Variants in CACNA1F observed in about 807,000 individuals in gnomAD.
CACNA1F encodes calcium voltage-gated channel subunit alpha1 F.
CACNA1F carries 59 observed loss-of-function variants against 143.8 expected under a neutral mutation model. The observed-to-expected ratio is 0.41, with a 90% CI of 0.33 to 0.51. The LOEUF is 0.51. CACNA1F is among the 20% of genes least tolerant of loss of function. The probability of loss-of-function intolerance (pLI) is 0.22; values close to 1 mark genes in which losing one functional copy is unlikely to be tolerated. For synonymous variants in CACNA1F, 643 were observed against 649.1 expected (o/e 0.99, Z 0.14); for missense variants, 1,411 against 1,647.5 (o/e 0.86, Z 2.48).
rs1557110276 is a variant in CACNA1F, at chrX:49,227,200, T to G, written c.1119-73A>C. ...CTTGCTTTCATCACTCCAGCCACAC[T>G]AGCCTCCTAGCTACTCTTTGAATAT... On this transcript the variant is annotated intron_variant, in intron 8 of 47. Coordinates refer to ENST00000323022, the MANE Select transcript of CACNA1F (RefSeq NM_001256789.3). The G allele has an allele frequency of 1.7e-5, 14 of 805,496 alleles. No homozygotes were observed. In the Admixed American group the frequency reaches 3.7e-4, roughly 21 times the overall value. The allele number at this position is 805,496 out of a possible 1,213,427, so 66.4% of individuals were successfully genotyped here. A position where few individuals can be genotyped will look rare whatever the true frequency, so the allele number is the denominator to read the frequency against.
At position 49,205,309 on chromosome X, in the gene CACNA1F, G is replaced by T; in HGVS notation, c.5729C>A (p.Ala1910Asp). The T allele has an allele frequency of 1.7e-6, 2 of 1,209,681 alleles. No homozygotes were observed. Among genetic ancestry groups the T allele is most frequent in the Non-Finnish European group, 2.2e-6 (2 of 894,591 alleles). Residue 1910 changes from alanine (A) to aspartate (D), a missense_variant, in exon 48 of 48, where the codon GCC becomes GAC. Physicochemically the swap from Ala to Asp is moderately radical, Grantham distance 126. Around this residue, in one of 3 missense-constraint regions of CACNA1F, gnomAD observed 349 missense variants for 350.2 expected, o/e 1.00. Coordinates refer to ENST00000323022, the MANE Select transcript of CACNA1F (RefSeq NM_001256789.3). Reference sequence around the variant, plus strand: ...ACACGCATCTGCAATCTCCTGCTTGGCCAGGGCCACGAAACGTGGGTCTCG... The same window carrying T: ...ACACGCATCTGCAATCTCCTGCTTGTCCAGGGCCACGAAACGTGGGTCTCG... Reference protein sequence around the residue: ...FARDPRFVALAKQEIADACRL... With the variant: ...FARDPRFVALDKQEIADACRL...
In CACNA1F at chrX:49,209,984, C is replaced by G. The variant is rs1362079415; in HGVS notation, c.4647G>C (p.Arg1549=). Residue 1549 remains arginine, a synonymous_variant, in exon 40 of 48, where the codon CGG becomes CGC. Transcript: ENST00000323022. The part of the protein sequence containing the change: ...LRIVIKKIWK[R]MKQKLLDEVI... The stretch of plus-strand genomic sequence containing the variant: ...CCTCATCTAGCAGCTTCTGTTTCAT[C>G]CGCTTCCAGATCTTTTTGATGACAA... 4 of 1,208,754 alleles carry G rather than the reference C, an allele frequency of 3.3e-6. No homozygotes were observed. The highest frequency in any genetic ancestry group is 3.4e-6 in the Non-Finnish European group (3 of 893,969).
At chrX:49,214,057 C>A (rs967000258) in intron 30 of CACNA1F, 102 bp downstream of exon 30, 17 of 661,578 alleles carry the variant, frequency 2.6e-5, no homozygotes, top group Admixed American at 7.0e-5. Flanking sequence ...TAGACTCACA[C>A]TCCCTGGCTG....
rs122456135 is a variant in CACNA1F at position 49,219,344 on chromosome X, G to C, written c.2650C>G (p.Arg884Gly). 2 of 1,209,040 alleles carry C rather than the reference G, an allele frequency of 1.7e-6. No homozygotes were observed. The highest frequency in any genetic ancestry group is 2.2e-6 in the Non-Finnish European group (2 of 894,368). The change falls in exon 21 of 48, where the codon CGA (arginine) becomes GGA (glycine). Residue 884 changes from arginine to glycine, a missense_variant. By Grantham distance (125) the Arg-to-Gly change is moderately radical (BLOSUM62 -2). Coordinates refer to ENST00000323022, the MANE Select transcript of CACNA1F (RefSeq NM_001256789.3). The stretch of plus-strand genomic sequence containing the variant: ...ACATGGTTGCGGAAGGAGTGGGCTC[G>C]GATGGGGTCCTCAGCGGCCAGGGAC... ...SVSLAAEDPIRAHSFRNHILG... is the reference protein window; with the variant it reads ...SVSLAAEDPIGAHSFRNHILG...
At position 49,212,319 on chromosome X, in the gene CACNA1F, G is replaced by A. The variant is rs782090673; in HGVS notation, c.3943-11C>T. On this transcript the variant is annotated splice_polypyrimidine_tract_variant and intron_variant, in intron 33 of 47. Coordinates refer to ENST00000323022, the MANE Select transcript of CACNA1F (RefSeq NM_001256789.3). Reference sequence around the variant, plus strand: ...CACATAGGGCAAGGCCTATAGGGATGGGGGAGGGGGGCAGAGAATAGATGC... The same window carrying A: ...CACATAGGGCAAGGCCTATAGGGATAGGGGAGGGGGGCAGAGAATAGATGC... 1.0e-5 allele frequency: 12 copies of A among 1,163,592 alleles called. No homozygotes were observed. The highest frequency in any genetic ancestry group is 1.3e-5 in the Non-Finnish European group (11 of 853,386).
rs782804171 is a variant in CACNA1F, at chrX:49,226,545, G to A, written c.1370-43C>T. The stretch of plus-strand genomic sequence containing the variant: ...ATAGTGGTCAGGACCTGAAGACCCC[G>A]AGGTCCAATCTTTGGCTTTCACCTC... On this transcript the variant is annotated intron_variant, in intron 10 of 47. Coordinates refer to ENST00000323022, the MANE Select transcript of CACNA1F (RefSeq NM_001256789.3). 8 of 1,158,563 alleles carry A rather than the reference G, an allele frequency of 6.9e-6. No homozygotes were observed. The South Asian group carries it at 9.5e-5, about 14-fold the overall frequency.
Position 49,217,955 on chromosome X carries a change from C to T in CACNA1F, c.2979G>A (p.Met993Ile). 2 of 1,211,183 alleles carry T rather than the reference C, an allele frequency of 1.7e-6. No individual in the cohort carries two copies. Among genetic ancestry groups the T allele is most frequent in the Non-Finnish European group, 2.2e-6 (2 of 895,162 alleles). ...FVAIRTIGNIMIVTTLLQFMF... is the reference protein window; with the variant it reads ...FVAIRTIGNIIIVTTLLQFMF... Reference sequence around the variant, plus strand: ...TAAATTGCAGAAGTGTGGTGACAATCATGATGTTTCCGATGGTCCGGATGG... The same window carrying T: ...TAAATTGCAGAAGTGTGGTGACAATTATGATGTTTCCGATGGTCCGGATGG... Residue 993 changes from methionine to isoleucine, a missense_variant, in exon 25 of 48, where the codon ATG becomes ATA. This residue lies in a region of CACNA1F where 950 missense variants were observed against 1,128.1 expected (regional missense o/e 0.84). Coordinates refer to ENST00000323022, the MANE Select transcript of CACNA1F (RefSeq NM_001256789.3).
At chrX:49,225,060 A>G in intron 13 of CACNA1F, 74 bp from the exon 14 acceptor site, 1 of 683,625 alleles carries the variant, frequency 1.5e-6, no homozygotes, top group Non-Finnish European at 2.3e-6. Flanking sequence ...ACTAGGGACC[A>G]TGGGGTGACC....
chrX:49,226,837 G>T (rs1602651435), intron 9 of CACNA1F, 133 bp downstream of exon 9: 2 of 1,026,654 alleles, frequency 1.9e-6, no homozygotes, highest in East Asian at 6.4e-5. Context: ...ATAACTTGGG[G>T]GCTGGGGCTA....
intron 6 of CACNA1F, 29 bp from the exon 7 acceptor site, chrX:49,228,476 G>A (rs909382005): frequency 3.5e-6 from 4 of 1,135,313 alleles, no homozygotes; most frequent in African/African-American, 1.8e-5. Context: ...TTGGGGCTTC[G>A]AAGCAGGCCC....
intron 7 of CACNA1F, 46 bp from the exon 8 acceptor site, chrX:49,228,185 C>T (rs782791526): frequency 8.6e-7 from 1 of 1,168,152 alleles, no homozygotes; most frequent in Non-Finnish European, 1.2e-6. Flanking sequence ...GCAGACACTC[C>T]TGCGTGAGTG....
At position 49,230,175 on chromosome X, in the gene CACNA1F, C is replaced by G. The variant is rs200872638; in HGVS notation, c.817+45G>C. The G allele has an allele frequency of 1.1e-4, 124 of 1,134,828 alleles. No individual in the cohort carries two copies. In the East Asian group the frequency reaches 3.8e-3, roughly 35 times the overall value. The allele number at this position is 1,134,828 out of a possible 1,213,427, so 93.5% of individuals were successfully genotyped here. Reference sequence around the variant, plus strand: ...TGAGTGCAGCATTGGATCTAGGAACCGAAGGAGGGGGCATGTTCTGCCTAG... The same window carrying G: ...TGAGTGCAGCATTGGATCTAGGAACGGAAGGAGGGGGCATGTTCTGCCTAG... On this transcript the variant is annotated intron_variant, in intron 6 of 47. Transcript: ENST00000323022.
intron 13 of CACNA1F, 81 bp downstream of exon 13, chrX:49,225,828 G>A (rs1236987421): frequency 5.2e-6 from 5 of 962,902 alleles, no homozygotes; most frequent in Admixed American, 5.4e-5. Flanking sequence ...GGGCTGAGGC[G>A]CCCTAGAGGT....
At chrX:49,209,473 G>T in intron 41 of CACNA1F, 80 bp from the exon 42 acceptor site, 2 of 1,130,249 alleles carry the variant, frequency 1.8e-6, no homozygotes, top group African/African-American at 1.8e-5. Context: ...CGGGTAGGGT[G>T]GGGGAAGGAG....
chrX:49,213,016 A>G (rs1557106650), intron 31 of CACNA1F, 22 bp from the exon 32 acceptor site: 1 of 1,186,139 alleles, frequency 8.4e-7, no homozygotes, highest in Non-Finnish European at 1.1e-6. Context: ...TATGGCCAAG[A>G]AAAAGGTGAT....
At position 49,210,921 on chromosome X, in the gene CACNA1F, A is replaced by G. The variant is rs781803659; in HGVS notation, c.4388+44T>C. 17 of 1,175,653 alleles carry G rather than the reference A, an allele frequency of 1.4e-5. No individual in the cohort carries two copies. In the East Asian group the frequency reaches 4.8e-4, roughly 33 times the overall value. Reference sequence around the variant, plus strand: ...GGGGGCTAGGGGACTGTGTAGGGCAATACATTGTCCCCTGGATTCTAGGTA... The same window carrying G: ...GGGGGCTAGGGGACTGTGTAGGGCAGTACATTGTCCCCTGGATTCTAGGTA... On this transcript the variant is annotated intron_variant, in intron 37 of 47. Coordinates refer to ENST00000323022, the MANE Select transcript of CACNA1F (RefSeq NM_001256789.3).
rs782012902 is a variant in CACNA1F, at chrX:49,212,281, C to A, written c.3970G>T (p.Ala1324Ser). ...QALPYVALLI[A>S]MIFFIYAVIG... Reference sequence around the variant, plus strand: ...ACGGCATAGATGAAGAATATCATTGCGATGAGAAGAGCCACATAGGGCAAG... The same window carrying A: ...ACGGCATAGATGAAGAATATCATTGAGATGAGAAGAGCCACATAGGGCAAG... The change falls in exon 34 of 48, where the codon GCA (alanine) becomes TCA (serine). Residue 1324 changes from alanine to serine, a missense_variant. Around this residue, in one of 3 missense-constraint regions of CACNA1F, gnomAD observed 950 missense variants for 1,128.1 expected, o/e 0.84. Coordinates refer to ENST00000323022, the MANE Select transcript of CACNA1F (RefSeq NM_001256789.3). The A allele has an allele frequency of 1.7e-6, 2 of 1,208,104 alleles. No individual in the cohort carries two copies. The highest frequency in any genetic ancestry group is 1.8e-5 in the South Asian group (1 of 56,734).
Position 49,227,119 on chromosome X carries a change from G to C in CACNA1F, c.1127C>G (p.Ser376Cys). The change falls in exon 9 of 48, where the codon TCC (serine) becomes TGC (cysteine). Residue 376 changes from serine (S) to cysteine (C), a missense_variant. By Grantham distance (112) the Ser-to-Cys change is moderately radical (BLOSUM62 -1). This residue lies in a region of CACNA1F where 950 missense variants were observed against 1,128.1 expected (regional missense o/e 0.84). Transcript: ENST00000323022. ...LVLGVLSGEFSKEREKAKARG... is the reference protein window; with the variant it reads ...LVLGVLSGEFCKEREKAKARG... ...AGCTTTCGCTTTCTCTCTCTCCTTGGAGAACTCCCTGAGGGAGGAGGATAG... is the reference window on the plus strand; with the variant it reads ...AGCTTTCGCTTTCTCTCTCTCCTTGCAGAACTCCCTGAGGGAGGAGGATAG... The C allele has an allele frequency of 8.5e-7, 1 of 1,178,958 alleles. No homozygotes were observed. Among genetic ancestry groups the C allele is most frequent in the Non-Finnish European group, 1.1e-6 (1 of 878,109 alleles).
Position 49,222,212 on chromosome X carries a change from A to G in CACNA1F, c.2288+310T>C, listed in dbSNP as rs782505904. On this transcript the variant is annotated intron_variant, in intron 17 of 47. Coordinates refer to ENST00000323022, the MANE Select transcript of CACNA1F (RefSeq NM_001256789.3). The stretch of plus-strand genomic sequence containing the variant: ...TTTCATTCTGTTTTCTCTTTATTAC[A>G]TATTATTAACATATATTATATATTC... The G allele has an allele frequency of 1.7e-5, 4 of 240,551 alleles. No homozygotes were observed. In the East Asian group the frequency reaches 3.0e-4, roughly 18 times the overall value. 19.8% of individuals were successfully genotyped at this position (240,551 alleles called of 1,213,427 possible).
Sources: gnomAD v4.1 joint callset for allele counts on GRCh38, gnomAD v4.1.1 for gene constraint, gnomAD v4.1.1 regional missense constraint, MANE v1.5 for transcripts, NCBI Gene and HGNC (gene_info 2026-07-23, HGNC 2026-07-21) for gene names.